The following BEAN1 variants were observed in gnomAD, a reference collection of about 807,000 sequenced individuals.
BEAN1 encodes brain expressed associated with NEDD4 1.
Under a neutral mutation model 17.7 loss-of-function variants are expected in BEAN1, and 17 were observed. That is an observed-to-expected ratio of 0.96 (90% CI 0.66 to 1.44). The LOEUF (loss-of-function observed/expected upper bound fraction) is 1.44. BEAN1 is among the 40% of genes most tolerant of loss of function. The probability of loss-of-function intolerance (pLI) is 0.00; values close to 1 mark genes in which losing one functional copy is unlikely to be tolerated. For synonymous variants in BEAN1, 142 were observed against 151.8 expected, an observed-to-expected ratio of 0.94 and a Z score of 0.47; for missense variants, 359 against 374.1, an observed-to-expected ratio of 0.96 and a Z score of 0.33.
At chr16:66,469,513 A>G (rs1963384076) in intron 2 of BEAN1, 89 bp from the exon 3 acceptor site, 1 of 1,385,504 alleles carries the variant, frequency 7.2e-7, no homozygotes, top group Admixed American at 2.2e-5. Flanking sequence ...TTATTTAGGG[A>G]GCAACAGCTC....
intron 2 of BEAN1, among the ~76,000 whole-genome samples, chr16:66,444,379 C>T (rs932037297): frequency 1.3e-5 from 2 of 152,168 alleles, no homozygotes; most frequent in African/African-American, 4.8e-5. Flanking sequence ...CATCAGCCTC[C>T]ATGGCTTGTA....
intron 2 of BEAN1, among the ~76,000 whole-genome samples, chr16:66,459,703 G>T (rs1043653532): frequency 1.3e-5 from 2 of 152,064 alleles, no homozygotes; most frequent in Non-Finnish European, 2.9e-5. Flanking sequence ...CCCCCAGCAG[G>T]CTTCTCTCCA....
chr16:66,484,145 C>G (rs1286352135), downstream of BEAN1: 1 of 195,674 alleles, frequency 5.1e-6, no homozygotes, highest in African/African-American at 2.4e-5. The surrounding 1 kb of genome is among the most constrained non-coding windows in gnomAD (Gnocchi z 4.2). Flanking sequence ...CTGGACAAAG[C>G]CTGACACTTA....
At chr16:66,457,528 A>G (rs1448059684) in intron 2 of BEAN1, among the ~76,000 whole-genome samples, 7 of 152,202 alleles carry the variant, frequency 4.6e-5, no homozygotes, top group Admixed American at 2.0e-4. Context: ...AACACCAAGT[A>G]TCCTTTTCCT....
chr16:66,464,513 T>C (rs1250902284), intron 2 of BEAN1, among the ~76,000 whole-genome samples: 2 of 152,020 alleles, frequency 1.3e-5, no homozygotes, highest in East Asian at 3.9e-4. Flanking sequence ...GCTAATTTTA[T>C]TTGTATTTTT....
In BEAN1 at chr16:66,469,885, G is replaced by A. The variant is rs1963409536; in HGVS notation, c.289+20G>A. On this transcript the variant is annotated intron_variant, in intron 3 of 4. Transcript: ENST00000536005. ...GCTACGGTGAGCCGCCGCCCACCCT[G>A]GGGCCCTGGGACCTCATCTGACTGG... 3.9e-6 allele frequency: 6 copies of A among 1,529,146 alleles called. No homozygotes were observed. The highest frequency in any genetic ancestry group is 5.2e-6 in the Non-Finnish European group (6 of 1,143,836). The allele number at this position is 1,529,146 out of a possible 1,614,324, so 94.7% of individuals were successfully genotyped here.
At chr16:66,472,919 G>A (rs1257465785) in intron 3 of BEAN1, among the ~76,000 whole-genome samples, 1 of 151,788 alleles carries the variant, frequency 6.6e-6, no homozygotes, top group African/African-American at 2.4e-5. Context: ...CTATTCAGGA[G>A]GCTGAGTCGG....
chr16:66,461,569 GACACACACACAC>G (rs34246549), intron 2 of BEAN1, among the ~76,000 whole-genome samples: 4,448 of 140,924 alleles, frequency 0.032, 94 homozygotes, highest in African/African-American at 0.062. Flanking sequence ...GGCAGGCGCA[GACACACACACAC>G]ACACACACAC....
chr16:66,440,511 G>A (rs1453319886), intron 2 of BEAN1, among the ~76,000 whole-genome samples: 1 of 152,142 alleles, frequency 6.6e-6, no homozygotes, highest in Non-Finnish European at 1.5e-5. Context: ...CCTCCAGCCA[G>A]CCTCTCAGAC....
At chr16:66,469,577 C>A (rs1439268671) in intron 2 of BEAN1, 25 bp from the exon 3 acceptor site, 1 of 1,528,196 alleles carries the variant, frequency 6.5e-7, no homozygotes, top group South Asian at 1.2e-5. Context: ...GGCTCCAGCT[C>A]AGTGTCCTCT....
rs530333202 is a variant in BEAN1, at chr16:66,448,808, C to T, written c.25+11107C>T. 1.9e-3 allele frequency among the ~76,000 whole-genome samples: 291 copies of T among 152,152 alleles called. 1 individual carries two copies. The highest frequency in any genetic ancestry group is 3.9e-3 in the South Asian group (19 of 4,820). ...ACTGCACTCGGGCAACAGAACGAGA[C>T]TCTGTCTCAAAAAAAAGAAAAGAAA... On this transcript the variant is annotated intron_variant, in intron 2 of 4. Transcript: ENST00000536005.
Position 66,469,718 on chromosome 16 carries a change from A to G in BEAN1, c.142A>G (p.Ile48Val), listed in dbSNP as rs1444716742. The G allele has an allele frequency of 4.6e-6, 7 of 1,535,942 alleles. No homozygotes were observed. The highest frequency in any genetic ancestry group is 1.4e-5 in the African/African-American group (1 of 73,008). Reference protein sequence around the residue: ...VASAVIGVVIILSCITIIVGS... With the variant: ...VASAVIGVVIVLSCITIIVGS... Reference sequence around the variant, plus strand: ...GAGTGCCGTCATAGGTGTGGTCATCATCCTCTCCTGCATCACCATCATTGT... The same window carrying G: ...GAGTGCCGTCATAGGTGTGGTCATCGTCCTCTCCTGCATCACCATCATTGT... Residue 48 changes from isoleucine (I) to valine (V), a missense_variant, in exon 3 of 5, where the codon ATC becomes GTC. Coordinates refer to ENST00000536005, the MANE Select transcript of BEAN1 (RefSeq NM_001178020.3).
At chr16:66,454,463 T>A (rs1470722274) in intron 2 of BEAN1, among the ~76,000 whole-genome samples, 1 of 152,204 alleles carries the variant, frequency 6.6e-6, no homozygotes, top group Non-Finnish European at 1.5e-5. Flanking sequence ...ATATGTTGAC[T>A]TTTTTGTCAT....
chr16:66,436,271 T>C (rs532893289), intron 1 of BEAN1, among the ~76,000 whole-genome samples: 10 of 144,216 alleles, frequency 6.9e-5, no homozygotes, highest in East Asian at 2.0e-4. Flanking sequence ...CTTTTCTTTT[T>C]TTTTTTTTTT....
At chr16:66,443,429 C>A (rs1359153028) in intron 2 of BEAN1, among the ~76,000 whole-genome samples, 1 of 152,218 alleles carries the variant, frequency 6.6e-6, no homozygotes, top group East Asian at 1.9e-4. Context: ...GCGGTCAGGG[C>A]TACGCCCCAA....
chr16:66,437,444 C>T (rs1249164350), intron 1 of BEAN1, among the ~76,000 whole-genome samples, 151 bp from the exon 2 acceptor site: 1 of 152,158 alleles, frequency 6.6e-6, no homozygotes, highest in Non-Finnish European at 1.5e-5. Context: ...AGAGGTCCCC[C>T]AGCCCCTTGC....
intron 2 of BEAN1, among the ~76,000 whole-genome samples, chr16:66,466,444 A>G (rs1395230268): frequency 6.6e-6 from 1 of 152,124 alleles, no homozygotes; most frequent in Non-Finnish European, 1.5e-5. Context: ...TCTTCCCAGT[A>G]TCTTAAGGTA....
Position 66,477,718 on chromosome 16 carries a change from G to A in BEAN1, c.440+8G>A. 1 of 1,538,112 alleles carries A rather than the reference G, an allele frequency of 6.5e-7. No individual in the cohort carries two copies. Among genetic ancestry groups the A allele is most frequent in the Non-Finnish European group, 8.8e-7 (1 of 1,140,370 alleles). On this transcript the variant is annotated splice_region_variant and intron_variant, in intron 4 of 4. Transcript: ENST00000536005. ...CCCAGATTCTCCACCAGGGTAAGGA[G>A]GCCTCATGGGGAAGGGGGCATCAGA... is the stretch of plus-strand genomic sequence containing the variant.
intron 3 of BEAN1, among the ~76,000 whole-genome samples, chr16:66,474,603 A>AAGG (rs1567505125): frequency 2.5e-4 from 3 of 11,902 alleles, no homozygotes; most frequent in African/African-American, 7.5e-4. Flanking sequence ...GGAGGGAGGG[A>AAGG]GAGAGGGAGG....
Sources: allele counts gnomAD v4.1 joint callset (sites outside exome capture counted in the v4.1 genomes callset), GRCh38; gene constraint gnomAD v4.1.1; non-coding constraint Gnocchi (gnomAD v3.1); transcripts MANE v1.5; gene names NCBI Gene and HGNC (gene_info 2026-07-23, HGNC 2026-07-21).